The following TENM1 variants were observed in gnomAD, a reference collection of about 807,000 sequenced individuals.
TENM1 encodes the protein teneurin transmembrane protein 1.
TENM1 carries 35 observed loss-of-function variants against 174.8 expected under a neutral mutation model. The ratio of observed to expected loss-of-function variants is 0.20; its 90% CI spans 0.15 to 0.27. TENM1 has a LOEUF of 0.27. Among genes scored for constraint, TENM1 ranks in the 10% least tolerant of loss-of-function variants. The pLI is 1.00. For missense variants in TENM1, 1,633 were observed against 2,130.1 expected (o/e 0.77, Z 4.59); for synonymous variants, 781 against 798.7 (o/e 0.98, Z 0.37).
At chrX:124,928,766 A>G (rs1473957963) in intron 1 of TENM1, among the ~76,000 whole-genome samples, 1 of 111,472 alleles carries the variant, frequency 9.0e-6, no homozygotes, top group Non-Finnish European at 1.9e-5. Context: ...ATATTTGTAT[A>G]CCTTTCTCTA....
chrX:125,016,517 G>A, the TENM1 span, among the ~76,000 whole-genome samples: 1 of 110,966 alleles, frequency 9.0e-6, no homozygotes, highest in Non-Finnish European at 1.9e-5. Flanking sequence ...GGACGTGAAG[G>A]ACCTCTTCAA....
chrX:125,203,033 C>T, the TENM1 span, among the ~76,000 whole-genome samples: 1 of 112,025 alleles, frequency 8.9e-6, no homozygotes, highest in Non-Finnish European at 1.9e-5. Context: ...TGGTTAAAGT[C>T]AACACCGACG....
chrX:124,723,607 T>G (rs911799650), intron 4 of TENM1, among the ~76,000 whole-genome samples: 1 of 99,534 alleles, frequency 1.0e-5, no homozygotes, highest in African/African-American at 3.7e-5. Context: ...TTTTTTGTTT[T>G]TTTTTTTTTT....
chrX:125,185,543 T>G, the TENM1 span, among the ~76,000 whole-genome samples: 1 of 112,671 alleles, frequency 8.9e-6, no homozygotes, highest in African/African-American at 3.2e-5. Context: ...TGACATGCAA[T>G]AAATACAACT....
the TENM1 span, among the ~76,000 whole-genome samples, chrX:125,158,209 C>T: frequency 2.8e-5 from 3 of 109,090 alleles, no homozygotes; most frequent in African/African-American, 1.0e-4. Flanking sequence ...TGGAGACCAT[C>T]CTGGCCAACA....
intron 3 of TENM1, among the ~76,000 whole-genome samples, chrX:124,795,548 A>C (rs1290852660): frequency 2.7e-5 from 3 of 111,747 alleles, no homozygotes; most frequent in Non-Finnish European, 5.7e-5. Flanking sequence ...TAAGTGTAAT[A>C]TAGCCTGTTT....
At chrX:124,597,233 T>C (rs953833919) in intron 11 of TENM1, among the ~76,000 whole-genome samples, 8 of 111,893 alleles carry the variant, frequency 7.1e-5, no homozygotes, top group Non-Finnish European at 1.3e-4. Flanking sequence ...TGCATGTTGA[T>C]AGTAGCACAA....
intron 6 of TENM1, among the ~76,000 whole-genome samples, chrX:124,667,835 G>C (rs1008518991): frequency 2.3e-4 from 25 of 109,388 alleles, no homozygotes; most frequent in Middle Eastern, 4.7e-3. Context: ...TAAGTGGTGA[G>C]AAAATTCTGT....
At chrX:124,824,529 G>A (rs1603231199) in intron 3 of TENM1, among the ~76,000 whole-genome samples, 2 of 112,128 alleles carry the variant, frequency 1.8e-5, no homozygotes, top group African/African-American at 3.2e-5. Flanking sequence ...GGCAGTCTGC[G>A]ATGAAAAGTG....
chrX:125,011,101 A>C, the TENM1 span, among the ~76,000 whole-genome samples: 2 of 111,884 alleles, frequency 1.8e-5, no homozygotes, highest in Non-Finnish European at 3.8e-5. Flanking sequence ...CCCATTCAAT[A>C]AATGGTGCTA....
chrX:124,551,068 C>T (rs1231632265), intron 14 of TENM1, among the ~76,000 whole-genome samples: 1 of 112,752 alleles, frequency 8.9e-6, no homozygotes, highest in African/African-American at 3.2e-5. Flanking sequence ...CCTGCTTTGG[C>T]TCTAAGCTTA....
intron 3 of TENM1, among the ~76,000 whole-genome samples, chrX:124,800,683 T>G (rs988926754): frequency 8.9e-6 from 1 of 111,790 alleles, no homozygotes; most frequent in African/African-American, 3.3e-5. Context: ...CTCTTTTAAT[T>G]GTGATGTCAG....
chrX:124,752,843 T>A (rs1197708645), intron 3 of TENM1, among the ~76,000 whole-genome samples: 9 of 110,235 alleles, frequency 8.2e-5, no homozygotes, highest in African/African-American at 3.0e-4. Flanking sequence ...TTCTGTTCCA[T>A]TGGTCTATAT....
At chrX:124,829,367 G>A (rs2056239175) in intron 3 of TENM1, among the ~76,000 whole-genome samples, 1 of 112,144 alleles carries the variant, frequency 8.9e-6, no homozygotes, top group Admixed American at 9.5e-5. Context: ...AACTGTGTAA[G>A]GCATTTGACT....
intron 31 of TENM1, among the ~76,000 whole-genome samples, 166 bp downstream of exon 34, chrX:124,382,504 T>C (rs781517817): frequency 8.9e-6 from 1 of 111,789 alleles, no homozygotes; most frequent in African/African-American, 3.2e-5. Context: ...CTCTGATCTT[T>C]TTTCTCATGG....
intron 3 of TENM1, among the ~76,000 whole-genome samples, chrX:124,791,594 G>T (rs1489746707): frequency 9.0e-6 from 1 of 111,242 alleles, no homozygotes; most frequent in Non-Finnish European, 1.9e-5. Context: ...ACTGATAATG[G>T]ATCTCATGTC....
upstream of TENM1, among the ~76,000 whole-genome samples, chrX:124,964,530 G>A (rs903188528): frequency 8.1e-5 from 9 of 111,229 alleles, no homozygotes; most frequent in Non-Finnish European, 1.5e-4. Flanking sequence ...TTTGGAAATA[G>A]CAATTTTAAA....
chrX:124,402,473 C>CT (rs1377709245), intron 27 of TENM1, among the ~76,000 whole-genome samples: 4 of 112,217 alleles, frequency 3.6e-5, no homozygotes, highest in African/African-American at 9.7e-5. Context: ...TAACTAAACA[C>CT]TTTACTTCTT....
chrX:124,407,850 G>T (rs766284052), intron 25 of TENM1, among the ~76,000 whole-genome samples: 5 of 112,597 alleles, frequency 4.4e-5, no homozygotes, highest in Non-Finnish European at 7.5e-5. Flanking sequence ...TGTTAAATTG[G>T]GTGTCTCCTT....
Sources: allele counts gnomAD v4.1 joint callset (sites outside exome capture counted in the v4.1 genomes callset), GRCh38; gene constraint gnomAD v4.1.1; transcripts MANE v1.5; gene names NCBI Gene and HGNC (gene_info 2026-07-23, HGNC 2026-07-21).